The following RNF123 variants were observed in gnomAD, a reference collection of about 807,000 sequenced individuals.
RNF123 encodes ring finger protein 123.
RNF123 carries 86 observed loss-of-function variants against 168.5 expected under a neutral mutation model. That is an observed-to-expected ratio of 0.51 (90% confidence interval 0.43 to 0.61). The LOEUF (loss-of-function observed/expected upper bound fraction) is 0.61. RNF123 is among the 20% of genes least tolerant of loss of function. The pLI is 0.00. For synonymous variants in RNF123, 666 were observed against 689.1 expected (o/e 0.97, Z 0.52); for missense variants, 1,419 against 1,729.7 (o/e 0.82, Z 3.19).
rs988202321 is a variant in RNF123, at chr3:49,689,626, G to T, written c.-37+20G>T. ...CTCCGGGTGAGTGAGGGGCGGCAGG[G>T]CTCTGAGCCTGGCGGGTTCCGGCTA... is the stretch of plus-strand genomic sequence containing the variant. On this transcript the variant is annotated intron_variant, in intron 1 of 38. Coordinates refer to ENST00000327697, the MANE Select transcript of RNF123 (RefSeq NM_022064.5). The T allele has an allele frequency of 6.6e-6, 1 of 152,438 alleles. No homozygotes were observed. The highest frequency in any genetic ancestry group is 6.5e-5 in the Admixed American group (1 of 15,296). 9.4% of individuals were successfully genotyped at this position (152,438 alleles called of 1,614,324 possible).
At chr3:49,709,547 G>T (rs1370151406) in intron 26 of RNF123, among the ~76,000 whole-genome samples, 1 of 152,014 alleles carries the variant, frequency 6.6e-6, no homozygotes, top group Admixed American at 6.5e-5. Context: ...TGATCCACCC[G>T]CCTCGGCCTC....
At chr3:49,718,490 C>G (rs2080302805) in intron 35 of RNF123, 8 of 1,613,112 alleles carry the variant, frequency 5.0e-6, no homozygotes, top group Middle Eastern at 1.6e-4. Context: ...ATGCTGCCAT[C>G]GCGGGATCCT....
chr3:49,705,183 G>A lies in RNF123; in HGVS notation c.2158+1G>A, dbSNP rs1486972022. ...GTGGAGCAGAGGACCCGTGAGGACA[G>A]TAGGTGCTTGGTGGGGTCAGGCAGG... On this transcript the variant is annotated splice_donor_variant, in intron 23 of 38. Transcript: ENST00000327697. LOFTEE classifies it high-confidence loss of function. 1 of 1,597,946 alleles carries A rather than the reference G, an allele frequency of 6.3e-7. No individual in the cohort carries two copies. The highest frequency in any genetic ancestry group is 1.7e-5 in the Admixed American group (1 of 57,814).
At position 49,699,497 on chromosome 3, in the gene RNF123, A is replaced by G. The variant is rs2054332459; in HGVS notation, c.794A>G (p.Gln265Arg). The stretch of plus-strand genomic sequence containing the variant: ...CCAGTGGCAGGCTACCGGCCCCTGC[A>G]GGACCCACCGAGTGCTGACCTGGTG... The part of the protein sequence containing the change: ...RYPVAGYRPL[Q>R]DPPSADLVRA... The change falls in exon 11 of 39, where the codon CAG becomes CGG. Residue 265 changes from glutamine (Q) to arginine (R), a missense_variant. Gln to Arg is a conservative substitution (Grantham distance 43). Transcript: ENST00000327697. The surrounding 1 kb of genome is among the most constrained non-coding windows in gnomAD (Gnocchi z 4.8). 3 of 1,609,938 alleles carry G rather than the reference A, an allele frequency of 1.9e-6. No homozygotes were observed. Among genetic ancestry groups the G allele is most frequent in the Non-Finnish European group, 2.5e-6 (3 of 1,178,554 alleles).
At chr3:49,698,014 CT>C (rs757855332) in intron 6 of RNF123, 37 bp from the exon 7 acceptor site, 1 of 1,612,958 alleles carries the variant, frequency 6.2e-7, no homozygotes, top group Non-Finnish European at 8.5e-7. Context: ...AAGAGGCAGT[CT>C]TTGTCCACCT....
intron 35 of RNF123, chr3:49,719,721 C>G (rs1404863777): frequency 6.8e-6 from 3 of 438,674 alleles, no homozygotes; most frequent in African/African-American, 2.1e-5. Context: ...ATACTCCCCC[C>G]AGGGGCGGGG....
intron 3 of RNF123, among the ~76,000 whole-genome samples, chr3:49,695,823 A>G (rs1445369215): frequency 6.6e-6 from 1 of 152,108 alleles, no homozygotes; most frequent in African/African-American, 2.4e-5. Context: ...ACTCCCTGCT[A>G]TTCTTAGCAG....
chr3:49,705,472 G>A, intron 23 of RNF123, 62 bp from the exon 24 acceptor site: 4 of 1,525,432 alleles, frequency 2.6e-6, no homozygotes, highest in Non-Finnish European at 3.5e-6. Flanking sequence ...CTCCTGCTGT[G>A]AGGCAGGCTC....
chr3:49,713,983 G>C lies in RNF123; in HGVS notation c.2911G>C (p.Val971Leu). The change falls in exon 30 of 39, where the codon GTG (valine) becomes CTG (leucine). Residue 971 changes from valine to leucine, a missense_variant. Around this residue, in one of 5 missense-constraint regions of RNF123, gnomAD observed 538 missense variants for 708.8 expected, o/e 0.76. Coordinates refer to ENST00000327697, the MANE Select transcript of RNF123 (RefSeq NM_022064.5). Reference sequence around the variant, plus strand: ...CTGGGCCCAGACCAACTGGATCCTGGTGCGGCTCTGGAGGGTAAGCCTGAC... The same window carrying C: ...CTGGGCCCAGACCAACTGGATCCTGCTGCGGCTCTGGAGGGTAAGCCTGAC... ...RPWAQTNWIL[V>L]RLWRGCGFGY... 6.2e-7 allele frequency: 1 copy of C among 1,614,114 alleles called. No individual in the cohort carries two copies.
intron 12 of RNF123, 56 bp from the exon 13 acceptor site, chr3:49,700,171 G>T: frequency 6.2e-7 from 1 of 1,606,730 alleles, no homozygotes; most frequent in Non-Finnish European, 8.5e-7. Context: ...CCAGGGCAGG[G>T]GTGCCTTGAC....
chr3:49,721,034 G>A lies in RNF123; in HGVS notation c.3753G>A (p.Glu1251=), dbSNP rs1270401159. 6 of 1,612,414 alleles carry A rather than the reference G, an allele frequency of 3.7e-6. No homozygotes were observed. The highest frequency in any genetic ancestry group is 4.2e-6 in the Non-Finnish European group (5 of 1,178,966). ...CCTCCCTGCAGCCCACCAGTGAGGA[G>A]GACCTCTGCCCCATCTGCTATGCCC... The part of the protein sequence containing the change: ...AAAASLPTSE[E]DLCPICYAHP... The change falls in exon 38 of 39, where the codon GAG becomes GAA. Residue 1251 remains glutamate (E), a synonymous_variant. Transcript: ENST00000327697.
intron 12 of RNF123, 75 bp from the exon 13 acceptor site, chr3:49,700,152 G>A: frequency 6.3e-7 from 1 of 1,588,388 alleles, no homozygotes; most frequent in Non-Finnish European, 8.6e-7. Context: ...CTTGTGCCTT[G>A]GCCATGTGCC....
chr3:49,698,280 C>A, intron 7 of RNF123, 143 bp downstream of exon 7: 1 of 935,484 alleles, frequency 1.1e-6, no homozygotes, highest in Non-Finnish European at 1.7e-6. Context: ...CGTGTCCCAC[C>A]CAATCCCAGG....
At chr3:49,700,423 A>G (rs1207136826) in intron 13 of RNF123, 49 bp from the exon 14 acceptor site, 2 of 1,611,642 alleles carry the variant, frequency 1.2e-6, no homozygotes, top group Admixed American at 1.7e-5. Flanking sequence ...TACGGGGAGA[A>G]TCTTGGAAAA....
At chr3:49,697,315 T>A (rs376549022) in intron 4 of RNF123, 48 bp from the exon 5 acceptor site, 41 of 1,596,032 alleles carry the variant, frequency 2.6e-5, no homozygotes, top group Non-Finnish European at 3.2e-5. Flanking sequence ...ACCCTATGCA[T>A]CCTGTCAAAT....
intron 3 of RNF123, among the ~76,000 whole-genome samples, chr3:49,694,806 T>G (rs1423403299): frequency 3.3e-5 from 5 of 152,088 alleles, no homozygotes; most frequent in Non-Finnish European, 7.4e-5. Context: ...TGGCCTGTTC[T>G]CAGAGCCATC....
chr3:49,713,404 C>A, intron 27 of RNF123, 109 bp from the exon 28 acceptor site: 1 of 1,093,942 alleles, frequency 9.1e-7, no homozygotes, highest in South Asian at 1.4e-5. Context: ...CCAGGCTGGC[C>A]TTGGGAGCCA....
rs1238986129 is a variant in RNF123, at chr3:49,716,178, G to C, written c.3415+1G>C. ...CGTGTGGTCACCCTACGGCTGCCTG[G>C]TGAGGACCTAGATGCCCTGCACCCC... On this transcript the variant is annotated splice_donor_variant, in intron 34 of 38. Transcript: ENST00000327697. LOFTEE classifies it high-confidence loss of function. The C allele has an allele frequency of 6.2e-7, 1 of 1,613,346 alleles. No individual in the cohort carries two copies. Among genetic ancestry groups the C allele is most frequent in the Non-Finnish European group, 8.5e-7 (1 of 1,179,804 alleles).
intron 35 of RNF123, chr3:49,717,234 A>T (rs2080266467): frequency 6.5e-6 from 1 of 153,990 alleles, no homozygotes; most frequent in African/African-American, 2.4e-5. Context: ...GGCCAGAGAG[A>T]GCAGGGCCTC....
Sources: allele counts gnomAD v4.1 joint callset (sites outside exome capture counted in the v4.1 genomes callset), GRCh38; gene constraint gnomAD v4.1.1; regional missense constraint gnomAD v4.1.1; non-coding constraint Gnocchi (gnomAD v3.1); transcripts MANE v1.5; gene names NCBI Gene and HGNC (gene_info 2026-07-23, HGNC 2026-07-21).